GMDS: variants seen among roughly 807,000 people sequenced by gnomAD.
GMDS encodes GDP-mannose 4,6-dehydratase.
GMDS carries 20 observed loss-of-function variants against 49.9 expected under a neutral mutation model. That is an observed-to-expected ratio of 0.40 (90% CI 0.28 to 0.58). The LOEUF (loss-of-function observed/expected upper bound fraction) is 0.58, where lower values mean the gene tolerates loss of function less well. GMDS is among the 20% of genes least tolerant of loss of function. The pLI, the probability that GMDS is intolerant of heterozygous loss-of-function variation, is 0.42. For synonymous variants in GMDS, 177 were observed against 178.6 expected, an observed-to-expected ratio of 0.99 and a Z score of 0.07; for missense variants, 362 against 481.4, an observed-to-expected ratio of 0.75 and a Z score of 2.32.
chr6:1,781,708 T>G (rs1769093496), intron 7 of GMDS, among the ~76,000 whole-genome samples: 1 of 152,230 alleles, frequency 6.6e-6, no homozygotes, highest in Admixed American at 6.5e-5. Context: ...AAATGAACCC[T>G]GCTGGTCATA....
chr6:1,969,355 G>A (rs1338993560), intron 4 of GMDS, among the ~76,000 whole-genome samples: 2 of 143,858 alleles, frequency 1.4e-5, no homozygotes, highest in Non-Finnish European at 3.0e-5. Flanking sequence ...TCCTGTAAAT[G>A]TTAATAGAAC....
intron 9 of GMDS, among the ~76,000 whole-genome samples, chr6:1,632,878 C>G (rs1763038917): frequency 6.6e-6 from 1 of 152,182 alleles, no homozygotes. Flanking sequence ...GACTTCGCCT[C>G]TAAAGGAAGA....
At chr6:2,137,293 T>C (rs960718168) in intron 1 of GMDS, among the ~76,000 whole-genome samples, 1 of 152,010 alleles carries the variant, frequency 6.6e-6, no homozygotes, top group African/African-American at 2.4e-5. Context: ...AAAAGTAGTG[T>C]GATCTGAGTC....
intron 1 of GMDS, among the ~76,000 whole-genome samples, chr6:2,127,408 T>TAA (rs3839607): frequency 2.7e-5 from 4 of 149,656 alleles, no homozygotes; most frequent in Non-Finnish European, 5.9e-5. Context: ...ATTAAATGTT[T>TAA]AAAAAAAAAA....
At chr6:1,773,840 G>GC (rs1768681472) in intron 7 of GMDS, among the ~76,000 whole-genome samples, 1 of 152,204 alleles carries the variant, frequency 6.6e-6, no homozygotes, top group Non-Finnish European at 1.5e-5. Flanking sequence ...GTGTAGACTT[G>GC]TTTTTAAGAA....
chr6:1,959,465 T>C (rs182713066), intron 6 of GMDS, among the ~76,000 whole-genome samples: 49 of 152,336 alleles, frequency 3.2e-4, no homozygotes, highest in African/African-American at 1.0e-3. Context: ...TATCTAACCA[T>C]TCAAAGTCAA....
intron 4 of GMDS, among the ~76,000 whole-genome samples, chr6:2,048,545 T>C (rs192396595): frequency 1.2e-3 from 179 of 152,230 alleles, no homozygotes; most frequent in Non-Finnish European, 2.0e-3. Context: ...ATATATATTT[T>C]GTAATCAACT....
At chr6:1,747,963 TAATC>T (rs1382014499) in intron 7 of GMDS, among the ~76,000 whole-genome samples, 9 of 152,178 alleles carry the variant, frequency 5.9e-5, no homozygotes, top group Admixed American at 3.9e-4. Flanking sequence ...GATAATAAAT[TAATC>T]AAAGGACCAA....
chr6:1,810,720 A>G (rs1309199319), intron 7 of GMDS, among the ~76,000 whole-genome samples: 1 of 152,194 alleles, frequency 6.6e-6, no homozygotes, highest in East Asian at 1.9e-4. Flanking sequence ...TTCCTCAGCC[A>G]AAGGAGATGA....
chr6:2,231,804 T>C (rs1426823395), intron 1 of GMDS, among the ~76,000 whole-genome samples: 1 of 152,118 alleles, frequency 6.6e-6, no homozygotes, highest in African/African-American at 2.4e-5. Context: ...TGTCCTACCT[T>C]GGAGTCAAGA....
chr6:2,025,816 T>C (rs1180443584), intron 4 of GMDS, among the ~76,000 whole-genome samples: 4 of 152,148 alleles, frequency 2.6e-5, no homozygotes, highest in African/African-American at 4.8e-5. Flanking sequence ...GCAAGTTCTT[T>C]CTTAATCCTA....
chr6:1,683,060 G>C (rs937712966), intron 9 of GMDS, among the ~76,000 whole-genome samples: 2 of 152,158 alleles, frequency 1.3e-5, no homozygotes, highest in Non-Finnish European at 2.9e-5. Flanking sequence ...TGCCGACGTC[G>C]ACATCCTGTC....
chr6:1,624,324 G>GCTCC (rs1215032434), intron 10 of GMDS, 93 bp from the exon 11 acceptor site: 61 of 1,331,392 alleles, frequency 4.6e-5, no homozygotes, highest in Non-Finnish European at 6.2e-5. Context: ...AGGCCTCCGC[G>GCTCC]TCCCTCGTTC....
chr6:2,032,839 G>T (rs1769054457), intron 4 of GMDS, among the ~76,000 whole-genome samples: 1 of 152,152 alleles, frequency 6.6e-6, no homozygotes, highest in African/African-American at 2.4e-5. Flanking sequence ...AATACAACCT[G>T]TGGTGATAGA....
chr6:1,952,210 G>A (rs1763376144), intron 6 of GMDS: 1 of 154,020 alleles, frequency 6.5e-6, no homozygotes, highest in Non-Finnish European at 1.4e-5. Context: ...CCTACAGGTG[G>A]ATGTTAACTG....
intron 8 of GMDS, among the ~76,000 whole-genome samples, chr6:1,736,685 A>G (rs749731441): frequency 6.6e-6 from 1 of 152,232 alleles, no homozygotes; most frequent in Non-Finnish European, 1.5e-5. Flanking sequence ...TCAGGGATCA[A>G]CGGTGGCTGG....
chr6:2,109,199 G>A (rs564327798), intron 4 of GMDS, among the ~76,000 whole-genome samples: 4 of 152,170 alleles, frequency 2.6e-5, no homozygotes, highest in Non-Finnish European at 5.9e-5. Context: ...TGAAGTGAAG[G>A]AGGACACACA....
At chr6:1,768,676 G>C (rs1768456838) in intron 7 of GMDS, among the ~76,000 whole-genome samples, 1 of 152,198 alleles carries the variant, frequency 6.6e-6, no homozygotes, top group African/African-American at 2.4e-5. Context: ...GAGCATTTCT[G>C]TTTTTGGATT....
chr6:1,987,469 C>T (rs181641462), intron 4 of GMDS, among the ~76,000 whole-genome samples: 6 of 152,196 alleles, frequency 3.9e-5, no homozygotes, highest in Admixed American at 3.3e-4. Context: ...TTTGTTCATT[C>T]AACAAATATT....
Sources: gnomAD v4.1 joint callset for allele counts (sites outside exome capture counted in the v4.1 genomes callset) on GRCh38, gnomAD v4.1.1 for gene constraint, MANE v1.5 for transcripts, NCBI Gene and HGNC (gene_info 2026-07-23, HGNC 2026-07-21) for gene names.